MSRA: variants seen among roughly 807,000 people sequenced by gnomAD.
The protein encoded by MSRA is methionine sulfoxide reductase A, also known as mitochondrial peptide methionine sulfoxide reductase.
In MSRA, 54 loss-of-function variants were observed where a neutral mutation model predicts 31.3. The observed-to-expected ratio is 1.73, with a 90% CI of 1.39 to 2.17. The LOEUF (loss-of-function observed/expected upper bound fraction) is 2.17, where lower values mean the gene tolerates loss of function less well. Ranked by LOEUF, MSRA falls within the 30% of genes most tolerant of loss-of-function variation. MSRA has a pLI of 0.00. For missense variants in MSRA, 507 were observed against 300.9 expected (o/e 1.69, Z -5.07); for synonymous variants, 169 against 116.5 (o/e 1.45, Z -2.90).
chr8:10,255,859 G>A (rs1243392615), intron 3 of MSRA, among the ~76,000 whole-genome samples: 6 of 151,758 alleles, frequency 4.0e-5, no homozygotes, highest in Admixed American at 3.9e-4. Context: ...TGTTTAAAGA[G>A]CAGTTTTAGG....
intron 5 of MSRA, among the ~76,000 whole-genome samples, chr8:10,404,816 C>T (rs1220463102): frequency 1.3e-5 from 2 of 152,128 alleles, no homozygotes; most frequent in African/African-American, 4.8e-5. Flanking sequence ...CCATTTTTGG[C>T]CGCCAGACCA....
chr8:10,270,433 A>C (rs1341463617), intron 3 of MSRA, among the ~76,000 whole-genome samples: 1 of 151,146 alleles, frequency 6.6e-6, no homozygotes, highest in East Asian at 1.9e-4. Context: ...ACTATCCTCT[A>C]CTAGGTGCCT....
intron 1 of MSRA, among the ~76,000 whole-genome samples, chr8:10,058,314 A>G (rs934844282): frequency 1.3e-5 from 2 of 152,252 alleles, no homozygotes; most frequent in Admixed American, 6.5e-5. Context: ...GAAAAAGATG[A>G]AAGTACAAAT....
intron 3 of MSRA, among the ~76,000 whole-genome samples, chr8:10,286,288 A>G (rs1799933277): frequency 6.6e-6 from 1 of 152,104 alleles, no homozygotes; most frequent in African/African-American, 2.4e-5. Flanking sequence ...GTGTTGTGGG[A>G]GGGACCTGGT....
In MSRA at chr8:10,179,852, C is replaced by G. The variant is rs77489064; in HGVS notation, c.143-27981C>G. 2.6e-5 allele frequency among the ~76,000 whole-genome samples: 4 copies of G among 152,056 alleles called. No individual in the cohort carries two copies. The South Asian group carries it at 8.3e-4, about 31-fold the overall frequency. On this transcript the variant is annotated intron_variant, in intron 1 of 5. Transcript: ENST00000317173. ...GATGCCTTCCTGGTTTCCTACACCT[C>G]TCCCCATGTAAAGATTTTTATTTGC...
intron 3 of MSRA, among the ~76,000 whole-genome samples, chr8:10,275,299 G>T (rs1799264808): frequency 6.6e-6 from 1 of 152,154 alleles, no homozygotes; most frequent in South Asian, 2.1e-4. Context: ...AAATCTTAAG[G>T]AACAGCTCTC....
chr8:10,136,218 A>G (rs770617596), intron 1 of MSRA, among the ~76,000 whole-genome samples: 4 of 152,192 alleles, frequency 2.6e-5, no homozygotes, highest in Non-Finnish European at 4.4e-5. Flanking sequence ...CGGTGCAGAG[A>G]GGCACATTGG....
intron 5 of MSRA, among the ~76,000 whole-genome samples, chr8:10,354,158 C>G (rs1804366585): frequency 6.6e-6 from 1 of 152,168 alleles, no homozygotes; most frequent in Admixed American, 6.5e-5. Flanking sequence ...TTATCATTTG[C>G]TTTTTGTTTG....
At chr8:10,407,152 T>C (rs1289383758) in intron 5 of MSRA, among the ~76,000 whole-genome samples, 1 of 152,204 alleles carries the variant, frequency 6.6e-6, no homozygotes, top group Non-Finnish European at 1.5e-5. Flanking sequence ...GCTGGGAGTG[T>C]AGGCAGAAGC....
At chr8:10,116,791 A>G (rs945680355) in intron 1 of MSRA, among the ~76,000 whole-genome samples, 1 of 152,116 alleles carries the variant, frequency 6.6e-6, no homozygotes, top group Admixed American at 6.5e-5. Context: ...AACATGAAGA[A>G]GCCCCGTCTC....
At position 10,338,641 on chromosome 8, in the gene MSRA, A is replaced by T. The variant is rs541885571; in HGVS notation, c.543+18652A>T. Among the ~76,000 whole-genome samples the T allele has an allele frequency of 5.3e-5, 8 of 152,362 alleles. No homozygotes were observed. The East Asian group carries it at 1.2e-3, about 22-fold the overall frequency. ...ATTTGTCAATCAAAAATAATAATAA[A>T]AAATTTAAAGAAGAATTGTATAGAA... is the stretch of plus-strand genomic sequence containing the variant. On this transcript the variant is annotated intron_variant, in intron 5 of 5. Transcript: ENST00000317173.
At chr8:10,091,702 G>T (rs1798864133) in intron 1 of MSRA, among the ~76,000 whole-genome samples, 1 of 151,820 alleles carries the variant, frequency 6.6e-6, no homozygotes, top group Admixed American at 6.6e-5. Context: ...TGCCTCCCGG[G>T]TTCAAGTGAT....
intron 5 of MSRA, among the ~76,000 whole-genome samples, chr8:10,378,016 T>C (rs771894608): frequency 1.3e-5 from 2 of 152,186 alleles, no homozygotes; most frequent in Non-Finnish European, 2.9e-5. Flanking sequence ...CACCACCTGC[T>C]CAAGGCAAAA....
intron 4 of MSRA, among the ~76,000 whole-genome samples, chr8:10,316,457 T>C (rs989578727): frequency 6.0e-5 from 9 of 150,836 alleles, no homozygotes; most frequent in African/African-American, 2.2e-4. Context: ...CAGAATTGGG[T>C]GAATAACGTA....
At chr8:10,120,787 C>G (rs1294382677) in intron 1 of MSRA, among the ~76,000 whole-genome samples, 1 of 152,202 alleles carries the variant, frequency 6.6e-6, no homozygotes, top group African/African-American at 2.4e-5. Flanking sequence ...CTTGTTCTCT[C>G]TCCAAACGCT....
At chr8:10,097,280 A>G (rs1181845832) in intron 1 of MSRA, among the ~76,000 whole-genome samples, 1 of 152,200 alleles carries the variant, frequency 6.6e-6, no homozygotes, top group Non-Finnish European at 1.5e-5. Flanking sequence ...GTAAAATGAA[A>G]TCACTTAACA....
intron 3 of MSRA, among the ~76,000 whole-genome samples, chr8:10,283,160 A>ACT (rs71521648): frequency 2.9e-5 from 4 of 140,238 alleles, no homozygotes; most frequent in Non-Finnish European, 4.7e-5. Flanking sequence ...ACACACACAC[A>ACT]CTCTCACCCT....
chr8:10,241,425 G>A (rs1585251349), intron 2 of MSRA, among the ~76,000 whole-genome samples: 1 of 152,118 alleles, frequency 6.6e-6, no homozygotes, highest in Admixed American at 6.5e-5. Context: ...ATGTTTAAAT[G>A]AATATGTTTG....
At chr8:10,180,534 C>T (rs887758617) in intron 1 of MSRA, among the ~76,000 whole-genome samples, 9 of 152,068 alleles carry the variant, frequency 5.9e-5, no homozygotes, top group Non-Finnish European at 1.0e-4. Context: ...TTGGTTCCTC[C>T]GGGAGCCAGT....
Sources: gnomAD v4.1 joint callset for allele counts (sites outside exome capture counted in the v4.1 genomes callset) on GRCh38, gnomAD v4.1.1 for gene constraint, MANE v1.5 for transcripts, NCBI Gene and HGNC (gene_info 2026-07-23, HGNC 2026-07-21) for gene names.